NUDCD3: variants seen among roughly 807,000 people sequenced by gnomAD.
The protein encoded by NUDCD3 is NudC domain containing 3.
A neutral mutation model predicts 39.7 loss-of-function variants in NUDCD3; 13 were observed. That is an observed-to-expected ratio of 0.33 (90% CI 0.21 to 0.52). The LOEUF (loss-of-function observed/expected upper bound fraction) is 0.52, where lower values mean the gene tolerates loss of function less well. Among genes scored for constraint, NUDCD3 ranks in the 20% least tolerant of loss-of-function variants. The pLI is 0.96. For missense variants in NUDCD3, 453 were observed against 458.1 expected, an observed-to-expected ratio of 0.99 and a Z score of 0.10; for synonymous variants, 175 against 172.4, an observed-to-expected ratio of 1.02 and a Z score of -0.12.
chr7:44,396,953 GT>G (rs1159673433), intron 4 of NUDCD3, among the ~76,000 whole-genome samples: 1 of 114,612 alleles, frequency 8.7e-6, no homozygotes, highest in Non-Finnish European at 2.2e-5. Context: ...ATTTGTTTTT[GT>G]TTTTTTCTGT....
intron 2 of NUDCD3, among the ~76,000 whole-genome samples, chr7:44,461,093 C>T (rs1563184033): frequency 6.6e-6 from 1 of 152,206 alleles, no homozygotes; most frequent in Admixed American, 6.5e-5. Context: ...AGGGGATTCT[C>T]TGGACACAAC....
At position 44,490,352 on chromosome 7, in the gene NUDCD3, G is replaced by C. The variant is rs1800708873; in HGVS notation, c.192+57C>G. The C allele has an allele frequency of 2.6e-5, 38 of 1,434,350 alleles. 1 individual carries two copies. In the South Asian group the frequency reaches 5.0e-4, roughly 19 times the overall value. The allele number at this position is 1,434,350 out of a possible 1,614,324, so 88.9% of individuals were successfully genotyped here. On this transcript the variant is annotated intron_variant, in intron 1 of 5. Coordinates refer to ENST00000355451, the MANE Select transcript of NUDCD3 (RefSeq NM_015332.4). Reference sequence around the variant, plus strand: ...GGAGAGCTTGGAGGAGCGGGCGCCAGGAGTCAGGGCAGGCCGGGGGCGGCG... The same window carrying C: ...GGAGAGCTTGGAGGAGCGGGCGCCACGAGTCAGGGCAGGCCGGGGGCGGCG...
intron 2 of NUDCD3, among the ~76,000 whole-genome samples, chr7:44,462,327 C>T (rs1275179995): frequency 1.3e-5 from 2 of 152,142 alleles, no homozygotes; most frequent in Non-Finnish European, 2.9e-5. Context: ...ATTTCCAGGG[C>T]TCGAGTTACA....
At chr7:44,474,865 G>C (rs1160062220) in intron 2 of NUDCD3, among the ~76,000 whole-genome samples, 1 of 152,194 alleles carries the variant, frequency 6.6e-6, no homozygotes, top group East Asian at 1.9e-4. Flanking sequence ...GTTTCAGGGT[G>C]AATCACTGGA....
chr7:44,439,595 T>TAAAA (rs75213700), intron 2 of NUDCD3, among the ~76,000 whole-genome samples: 1 of 114,066 alleles, frequency 8.8e-6, no homozygotes, highest in Admixed American at 9.2e-5. Context: ...AGGAAGTGCT[T>TAAAA]AAAAAAAAAA....
At chr7:44,391,522 G>A (rs751772089) in intron 5 of NUDCD3, among the ~76,000 whole-genome samples, 21 of 152,146 alleles carry the variant, frequency 1.4e-4, no homozygotes, top group Non-Finnish European at 2.8e-4. Flanking sequence ...AGGGGGAGGA[G>A]GCGGTCCGTG....
At chr7:44,468,519 G>GA (rs765201563) in intron 2 of NUDCD3, among the ~76,000 whole-genome samples, 2 of 152,016 alleles carry the variant, frequency 1.3e-5, no homozygotes, top group Non-Finnish European at 2.9e-5. Context: ...TTAAAAGGGG[G>GA]AAAAAGACTA....
intron 2 of NUDCD3, among the ~76,000 whole-genome samples, chr7:44,440,283 A>G (rs1799551780): frequency 6.6e-6 from 1 of 152,218 alleles, no homozygotes; most frequent in Non-Finnish European, 1.5e-5. Context: ...CCCTGAGTCT[A>G]ATCATAAGAA....
chr7:44,386,164 CT>C, intron 5 of NUDCD3, 43 bp from the exon 6 acceptor site: 3 of 1,604,766 alleles, frequency 1.9e-6, no homozygotes, highest in South Asian at 2.2e-5. Context: ...TCACAACGCA[CT>C]GTGTACTTTC....
chr7:44,390,568 A>G (rs1798495115), intron 5 of NUDCD3, among the ~76,000 whole-genome samples: 1 of 152,214 alleles, frequency 6.6e-6, no homozygotes, highest in Middle Eastern at 3.2e-3. Flanking sequence ...TAAGGGGTAC[A>G]TGGTAAGACT....
intron 4 of NUDCD3, among the ~76,000 whole-genome samples, chr7:44,401,115 G>A (rs1336671092): frequency 6.6e-6 from 1 of 152,142 alleles, no homozygotes; most frequent in Non-Finnish European, 1.5e-5. Flanking sequence ...CCCAAAACCT[G>A]GCAGCTGCTT....
rs547511235 is a variant in NUDCD3, at chr7:44,420,121, C to T, written c.642+7450G>A. Among the ~76,000 whole-genome samples, 7 of 152,136 alleles carry T rather than the reference C, an allele frequency of 4.6e-5. No homozygotes were observed. The South Asian group carries it at 1.5e-3, about 32-fold the overall frequency. On this transcript the variant is annotated intron_variant, in intron 3 of 5. Transcript: ENST00000355451. ...CCTTGACAAAAGGTTACAGGAACTG[C>T]TAACTAGAATAACCAGTTTAGAGAA...
rs78859621 is a variant in NUDCD3 at position 44,461,056 on chromosome 7, C to T, written c.509+23912G>A. ...GGGTTCAACTCTGCTTATCTCAAAA[C>T]GCTCCTTCAAGACTATACCCCTCCC... On this transcript the variant is annotated intron_variant, in intron 2 of 5. Transcript: ENST00000355451. Among the ~76,000 whole-genome samples, 730 of 152,310 alleles carry T rather than the reference C, an allele frequency of 4.8e-3. 8 individuals are homozygous for T. Among genetic ancestry groups the T allele is most frequent in the Middle Eastern group, 0.017 (5 of 294 alleles).
rs561171994 is a variant in NUDCD3 at position 44,447,358 on chromosome 7, T to C, written c.510-19655A>G. Reference sequence around the variant, plus strand: ...GTAGAAAGTTTCCGTATGTTTCCCATCTACTATGGTTTGAATGTGTCTCCT... The same window carrying C: ...GTAGAAAGTTTCCGTATGTTTCCCACCTACTATGGTTTGAATGTGTCTCCT... On this transcript the variant is annotated intron_variant, in intron 2 of 5. Transcript: ENST00000355451. 2.0e-5 allele frequency among the ~76,000 whole-genome samples: 3 copies of C among 152,354 alleles called. No individual in the cohort carries two copies. The South Asian group carries it at 6.2e-4, about 32-fold the overall frequency.
At chr7:44,403,825 A>G (rs529608945) in intron 4 of NUDCD3, among the ~76,000 whole-genome samples, 1 of 152,348 alleles carries the variant, frequency 6.6e-6, no homozygotes, top group South Asian at 2.1e-4. Context: ...GAAAAAAAGG[A>G]AACAAGTTAG....
chr7:44,489,497 T>C (rs1197356247), intron 1 of NUDCD3, among the ~76,000 whole-genome samples: 1 of 152,230 alleles, frequency 6.6e-6, no homozygotes. Flanking sequence ...AACTGTAACA[T>C]CTAGAGAACT....
At chr7:44,417,457 C>G (rs184713145) in intron 3 of NUDCD3, among the ~76,000 whole-genome samples, 3 of 152,044 alleles carry the variant, frequency 2.0e-5, no homozygotes, top group African/African-American at 7.2e-5. Context: ...TCTCTTGAGT[C>G]AAAAAAAGAG....
In NUDCD3 at chr7:44,385,457, G is replaced by A. The variant is rs1798385780; in HGVS notation, c.*554C>T. 6.5e-6 allele frequency: 1 copy of A among 153,672 alleles called. No individual in the cohort carries two copies. Among genetic ancestry groups the A allele is most frequent in the South Asian group, 2.0e-4 (1 of 4,886 alleles). 9.5% of individuals were successfully genotyped at this position (153,672 alleles called of 1,614,324 possible). On this transcript the variant is annotated 3_prime_UTR_variant, in exon 6 of 6. Transcript: ENST00000355451. ...TGAGGCAGGCAAAGCACATTTATAA[G>A]GGGATGAGCAAGAAGACCACGTGAA...
At chr7:44,489,518 T>A (rs970279630) in intron 1 of NUDCD3, among the ~76,000 whole-genome samples, 18 of 152,220 alleles carry the variant, frequency 1.2e-4, no homozygotes, top group African/African-American at 4.1e-4. Context: ...GAGGGAGGTA[T>A]CATCAGCATT....
Sources: allele counts gnomAD v4.1 joint callset (sites outside exome capture counted in the v4.1 genomes callset), GRCh38; gene constraint gnomAD v4.1.1; transcripts MANE v1.5; gene names NCBI Gene and HGNC (gene_info 2026-07-23, HGNC 2026-07-21).